The following MTCL1 variants were observed in gnomAD, a reference collection of about 807,000 sequenced individuals.
MTCL1 encodes microtubule crosslinking factor 1.
In MTCL1, 79 loss-of-function variants were observed where a neutral mutation model predicts 141.4. The ratio of observed to expected loss-of-function variants is 0.56; its 90% CI spans 0.47 to 0.67. MTCL1 has a LOEUF of 0.67. Among genes scored for constraint, MTCL1 ranks in the 30% least tolerant of loss-of-function variants. The probability of loss-of-function intolerance (pLI) is 0.00; values close to 1 mark genes in which losing one functional copy is unlikely to be tolerated. For synonymous variants in MTCL1, 914 were observed against 875.8 expected, an observed-to-expected ratio of 1.04 and a Z score of -0.77; for missense variants, 2,177 against 2,113.9, an observed-to-expected ratio of 1.03 and a Z score of -0.59.
exon 1 of MTCL1, chr18:8,706,621 C>G: frequency 3.2e-6 from 5 of 1,540,778 alleles, no homozygotes; most frequent in Non-Finnish European, 4.4e-6. Flanking sequence ...GGAGCCCAGC[C>G]TGGGCGAGCA....
At chr18:8,825,910 G>A (rs1439998278) in exon 15 of MTCL1, 1 of 1,611,206 alleles carries the variant, frequency 6.2e-7, no homozygotes, top group Non-Finnish European at 8.5e-7. Flanking sequence ...CTGCGGGCCG[G>A]CAGTCGGTCT....
rs200823163 is a variant in MTCL1 at position 8,785,918 on chromosome 18, C to T, written c.1732-18C>T. 9 of 1,551,190 alleles carry T rather than the reference C, an allele frequency of 5.8e-6. No individual in the cohort carries two copies. Among genetic ancestry groups the T allele is most frequent in the African/African-American group, 4.2e-5 (3 of 72,260 alleles). ...TTTAAAGAACAACAACAACAAATTC[C>T]TCCCGTGCACCTAACAGTCCAGACT... On this transcript the variant is annotated intron_variant, in intron 6 of 16. Transcript: ENST00000359865.
chr18:8,808,017 A>C (rs2076359217), intron 11 of MTCL1, among the ~76,000 whole-genome samples: 2 of 151,966 alleles, frequency 1.3e-5, no homozygotes, highest in African/African-American at 4.8e-5. Flanking sequence ...AAAAAAAAAA[A>C]AAAAAACTCC....
rs1316709082 is a variant in MTCL1, at chr18:8,720,237, T to C, written c.199-101T>C. On this transcript the variant is annotated intron_variant, in intron 3 of 16. Coordinates refer to ENST00000359865, the Ensembl canonical transcript of MTCL1. The stretch of plus-strand genomic sequence containing the variant: ...TTGCCAGGGTCTTTGCTATGTGGTG[T>C]AATATATTACTTAATGATTTTGCCT... 2.8e-6 allele frequency: 3 copies of C among 1,090,188 alleles called. No homozygotes were observed. The Admixed American group carries it at 6.2e-5, about 23-fold the overall frequency. 67.5% of individuals were successfully genotyped at this position (1,090,188 alleles called of 1,614,324 possible).
At chr18:8,827,758 ATTATTCT>A (rs2077072509) in intron 15 of MTCL1, among the ~76,000 whole-genome samples, 1 of 152,238 alleles carries the variant, frequency 6.6e-6, no homozygotes, top group African/African-American at 2.4e-5. Flanking sequence ...CCAAATAGAA[ATTATTCT>A]TTAAGAACCA....
intron 4 of MTCL1, among the ~76,000 whole-genome samples, chr18:8,747,027 G>A (rs530197986): frequency 2.0e-3 from 309 of 152,242 alleles, no homozygotes; most frequent in Non-Finnish European, 3.3e-3. Flanking sequence ...CCTGGGTATC[G>A]CGACGATGCT....
intron 4 of MTCL1, among the ~76,000 whole-genome samples, chr18:8,757,465 A>C (rs1297393483): frequency 6.6e-6 from 1 of 152,170 alleles, no homozygotes; most frequent in Non-Finnish European, 1.5e-5. Flanking sequence ...TCCTTTAAGA[A>C]AGTTTCCATA....
intron 4 of MTCL1, among the ~76,000 whole-genome samples, chr18:8,766,733 C>A (rs1216361935): frequency 6.6e-6 from 1 of 152,206 alleles, no homozygotes; most frequent in South Asian, 2.1e-4. Context: ...CCTGGCCCAG[C>A]CGCCTTCCTG....
At chr18:8,771,417 T>C (rs2096484769) in intron 4 of MTCL1, among the ~76,000 whole-genome samples, 1 of 152,202 alleles carries the variant, frequency 6.6e-6, no homozygotes, top group South Asian at 2.1e-4. Context: ...CTACAAACTT[T>C]CTAAATAATA....
At chr18:8,809,291 C>T (rs910004057) in intron 11 of MTCL1, among the ~76,000 whole-genome samples, 4 of 152,160 alleles carry the variant, frequency 2.6e-5, no homozygotes, top group African/African-American at 4.8e-5. Context: ...AGGAAAGAGA[C>T]GCATCTTTAT....
At chr18:8,713,543 A>C (rs1462462938), upstream of MTCL1, among the ~76,000 whole-genome samples, 1 of 152,232 alleles carries the variant, frequency 6.6e-6, no homozygotes, top group East Asian at 1.9e-4. Flanking sequence ...TAGTTTGAAA[A>C]TCACTATCCA....
chr18:8,830,986 T>G lies in MTCL1; in HGVS notation c.*19-621T>G. The G allele has an allele frequency of 2.0e-6, 2 of 985,844 alleles. No homozygotes were observed. Among genetic ancestry groups the G allele is most frequent in the Non-Finnish European group, 2.4e-6 (2 of 830,274 alleles). 61.1% of individuals were successfully genotyped at this position (985,844 alleles called of 1,614,324 possible). A position where few individuals can be genotyped will look rare whatever the true frequency, so the allele number is the denominator to read the frequency against. On this transcript the variant is annotated intron_variant, in intron 16 of 16. Coordinates refer to ENST00000359865, the Ensembl canonical transcript of MTCL1. This position sits in a 1 kb window ranked among gnomAD's most constrained non-coding sequence, Gnocchi z 6.4. Reference sequence around the variant, plus strand: ...CTACCTTTTTAAAATGCTGCTGCAATTGAACAGTCATTAAAGAAAACCAGA... The same window carrying G: ...CTACCTTTTTAAAATGCTGCTGCAAGTGAACAGTCATTAAAGAAAACCAGA...
rs1220187127 is a variant in MTCL1 at position 8,725,776 on chromosome 18, C to CTTTT, written c.357+5290_357+5293dup. The stretch of plus-strand genomic sequence containing the variant: ...GCGTTATGTATTTTGGTGCCATTTT[C>CTTTT]TTTTTTTTTTTTTCTTTTTTTTTTT... On this transcript the variant is annotated intron_variant, in intron 4 of 16. Transcript: ENST00000359865. 3.0e-3 allele frequency among the ~76,000 whole-genome samples: 335 copies of CTTTT among 110,950 alleles called. 18 individuals are homozygous for CTTTT. Among genetic ancestry groups the CTTTT allele is most frequent in the African/African-American group, 0.011 (304 of 27,014 alleles). 72.8% of individuals were successfully genotyped at this position (110,950 alleles called of 152,430 possible). A position where few individuals can be genotyped will look rare whatever the true frequency, so the allele number is the denominator to read the frequency against.
chr18:8,800,278 C>T (rs933794978), intron 10 of MTCL1, among the ~76,000 whole-genome samples: 1 of 152,194 alleles, frequency 6.6e-6, no homozygotes, highest in Non-Finnish European at 1.5e-5. Context: ...CCGAGCACCT[C>T]GCAAGGCGAT....
At chr18:8,802,068 A>G (rs981673368) in intron 10 of MTCL1, 2 of 152,238 alleles carry the variant, frequency 1.3e-5, no homozygotes, top group Admixed American at 1.3e-4. Context: ...AGAACGACAA[A>G]TGGCTCATTT....
chr18:8,826,037 A>C (rs748480365), exon 15 of MTCL1: 1 of 1,611,158 alleles, frequency 6.2e-7, no homozygotes, highest in South Asian at 1.1e-5. Context: ...AGGAAGGGGG[A>C]GAGGGCACGC....
At chr18:8,796,937 G>A (rs2075946999) in intron 9 of MTCL1, among the ~76,000 whole-genome samples, 1 of 152,134 alleles carries the variant, frequency 6.6e-6, no homozygotes, top group African/African-American at 2.4e-5. Context: ...TGGATATTTT[G>A]CATTGTGGTG....
At chr18:8,778,535 G>A (rs1055801303) in intron 5 of MTCL1, among the ~76,000 whole-genome samples, 3 of 152,152 alleles carry the variant, frequency 2.0e-5, no homozygotes, top group Admixed American at 2.0e-4. Context: ...AATGAGTCGG[G>A]GTAACTAAGA....
Position 8,774,232 on chromosome 18 carries a change from CACAT to C in MTCL1, c.358-3597_358-3594del, listed in dbSNP as rs200397062. Among the ~76,000 whole-genome samples, 1,321 of 151,742 alleles carry C rather than the reference CACAT, an allele frequency of 8.7e-3. 25 individuals carry two copies. Among genetic ancestry groups the C allele is most frequent in the African/African-American group, 0.031 (1,264 of 41,288 alleles). ...TGTCCATTCTTACCACACTCACAAA[CACAT>C]ACACACACTCTTTTCGAATGTGTGT... is the stretch of plus-strand genomic sequence containing the variant. On this transcript the variant is annotated intron_variant, in intron 4 of 16. Transcript: ENST00000359865.
Sources: gnomAD v4.1 joint callset for allele counts (sites outside exome capture counted in the v4.1 genomes callset) on GRCh38, gnomAD v4.1.1 for gene constraint, Gnocchi (gnomAD v3.1) non-coding constraint, MANE v1.5 for transcripts, NCBI Gene and HGNC (gene_info 2026-07-23, HGNC 2026-07-21) for gene names.